USP10: variants seen among roughly 807,000 people sequenced by gnomAD.
The protein encoded by USP10 is ubiquitin specific peptidase 10, also known as ubiquitin carboxyl-terminal hydrolase 10.
USP10 carries 22 observed loss-of-function variants against 84.5 expected under a neutral mutation model. The observed-to-expected ratio is 0.26, with a 90% CI of 0.19 to 0.37. USP10 has a LOEUF of 0.37. USP10 is among the 10% of genes least tolerant of loss of function. The probability of loss-of-function intolerance (pLI) is 1.00; values close to 1 mark genes in which losing one functional copy is unlikely to be tolerated. For missense variants in USP10, 1,019 were observed against 998.9 expected, an observed-to-expected ratio of 1.02 and a Z score of -0.27; for synonymous variants, 454 against 387.6, an observed-to-expected ratio of 1.17 and a Z score of -2.01.
chr16:84,732,334 C>G, intron 1 of USP10: 1 of 348,710 alleles, frequency 2.9e-6, no homozygotes, highest in South Asian at 2.2e-5. Context: ...ATACCCAGTA[C>G]TGATCATACG....
rs574660334 is a variant in USP10 at position 84,751,075 on chromosome 16, C to T, written c.1192+5402C>T. On this transcript the variant is annotated intron_variant, in intron 4 of 13. Coordinates refer to ENST00000219473, the MANE Select transcript of USP10 (RefSeq NM_005153.3). ...TTCAGTCAACAACAGACCGCATGTA[C>T]GACAGTGGTCCCATAAGATTATAAT... 2.1e-3 allele frequency among the ~76,000 whole-genome samples: 327 copies of T among 152,290 alleles called. 1 individual carries two copies. Among genetic ancestry groups the T allele is most frequent in the African/African-American group, 7.5e-3 (310 of 41,550 alleles).
chr16:84,758,062 G>A (rs1398655363), intron 4 of USP10, among the ~76,000 whole-genome samples: 1 of 152,250 alleles, frequency 6.6e-6, no homozygotes, highest in African/African-American at 2.4e-5. Context: ...TACACAGAAA[G>A]AGTGATGTCC....
chr16:84,756,251 G>A (rs184454439), intron 4 of USP10, among the ~76,000 whole-genome samples: 8 of 152,344 alleles, frequency 5.3e-5, no homozygotes, highest in Admixed American at 2.6e-4. Context: ...GCCTAGGCAG[G>A]GCTCAGCAGG....
At chr16:84,754,685 A>G (rs1357665224) in intron 4 of USP10, among the ~76,000 whole-genome samples, 1 of 152,248 alleles carries the variant, frequency 6.6e-6, no homozygotes, top group Non-Finnish European at 1.5e-5. Context: ...TGGCTGATGT[A>G]GAAACTAAAG....
intron 1 of USP10, among the ~76,000 whole-genome samples, chr16:84,718,618 A>G (rs542526753): frequency 6.6e-6 from 1 of 151,852 alleles, no homozygotes; most frequent in Admixed American, 6.6e-5. Context: ...TAGCCCAGAC[A>G]TCGTGGCACA....
chr16:84,745,040 A>G lies in USP10; in HGVS notation c.559A>G (p.Asn187Asp). 6.2e-7 allele frequency: 1 copy of G among 1,613,814 alleles called. No homozygotes were observed. The highest frequency in any genetic ancestry group is 8.5e-7 in the Non-Finnish European group (1 of 1,179,718). ...TGGCCATGCCAATTCAGCAGTCCCG[A>G]ACAGTGTCAGTGCAGAGGATGCAGA... ...VNGHANSAVPNSVSAEDAEFM... is the reference protein window; with the variant it reads ...VNGHANSAVPDSVSAEDAEFM... The change falls in exon 4 of 14, where the codon AAC (asparagine) becomes GAC (aspartate). Residue 187 changes from asparagine (N) to aspartate (D), a missense_variant. Physicochemically the swap from Asn to Asp is conservative, Grantham distance 23. Transcript: ENST00000219473.
At chr16:84,751,185 G>C (rs1299162496) in intron 4 of USP10, among the ~76,000 whole-genome samples, 4 of 152,222 alleles carry the variant, frequency 2.6e-5, no homozygotes, top group Non-Finnish European at 5.9e-5. Context: ...CGGGTTTGTA[G>C]CTTAGGAGCA....
rs535844797 is a variant in USP10 at position 84,714,320 on chromosome 16, C to T, written c.21+14209C>T. Among the ~76,000 whole-genome samples the T allele has an allele frequency of 2.6e-5, 4 of 152,266 alleles. No homozygotes were observed. In the East Asian group the frequency reaches 7.7e-4, roughly 29 times the overall value. ...GTTTAGTAAAATGTTTTTCCCACTT[C>T]TTCCTCTTTTTTAGAGATGGGGTCT... On this transcript the variant is annotated intron_variant, in intron 1 of 13. Transcript: ENST00000219473.
intron 12 of USP10, among the ~76,000 whole-genome samples, chr16:84,774,357 G>T (rs1460138480): frequency 6.6e-6 from 1 of 152,214 alleles, no homozygotes; most frequent in East Asian, 1.9e-4. Context: ...TTGTGTCGGT[G>T]TAAGTGGTAC....
chr16:84,720,831 C>T (rs572535843), intron 1 of USP10, among the ~76,000 whole-genome samples: 131 of 151,104 alleles, frequency 8.7e-4, no homozygotes, highest in Middle Eastern at 3.5e-3. Context: ...ATCTGCCCAC[C>T]TCGACGTCGC....
At chr16:84,750,421 A>C (rs1041799257) in intron 4 of USP10, among the ~76,000 whole-genome samples, 6 of 150,100 alleles carry the variant, frequency 4.0e-5, no homozygotes, top group Non-Finnish European at 7.4e-5. Flanking sequence ...AAAAAAAAAA[A>C]CCCAAAACTT....
At chr16:84,769,501 C>G (rs79656403) in intron 11 of USP10, among the ~76,000 whole-genome samples, 3,573 of 152,290 alleles carry the variant, frequency 0.023, 133 homozygotes, top group African/African-American at 0.08. Context: ...TAAGAAGAGT[C>G]TGGCGGTGGA....
chr16:84,723,137 A>G (rs909540968), intron 1 of USP10, among the ~76,000 whole-genome samples: 1 of 144,676 alleles, frequency 6.9e-6, no homozygotes, highest in Admixed American at 6.8e-5. Flanking sequence ...CCTTCTGATC[A>G]CATCCAGGGT....
intron 10 of USP10, among the ~76,000 whole-genome samples, chr16:84,767,826 A>T (rs1015063401): frequency 6.6e-6 from 1 of 150,994 alleles, no homozygotes; most frequent in Admixed American, 6.6e-5. Context: ...TTTCTCACAG[A>T]GGGGGATTTG....
At chr16:84,770,420 G>C (rs773228341) in intron 11 of USP10, among the ~76,000 whole-genome samples, 9 of 152,132 alleles carry the variant, frequency 5.9e-5, no homozygotes, top group Non-Finnish European at 1.3e-4. Context: ...GGGGAAAATA[G>C]GATTATATGA....
At chr16:84,756,252 G>A (rs575160637) in intron 4 of USP10, among the ~76,000 whole-genome samples, 1 of 152,336 alleles carries the variant, frequency 6.6e-6, no homozygotes, top group South Asian at 2.1e-4. Context: ...CCTAGGCAGG[G>A]CTCAGCAGGG....
chr16:84,769,753 A>G (rs535913648), intron 11 of USP10, among the ~76,000 whole-genome samples: 3 of 151,820 alleles, frequency 2.0e-5, no homozygotes, highest in Non-Finnish European at 4.4e-5. Context: ...TGGGCTGCCT[A>G]GGGAAGACCC....
chr16:84,759,471 T>C lies in USP10; in HGVS notation c.1393T>C (p.Phe465Leu). The C allele has an allele frequency of 3.7e-6, 6 of 1,613,570 alleles. No individual in the cohort carries two copies. The highest frequency in any genetic ancestry group is 5.1e-6 in the Non-Finnish European group (6 of 1,179,476). The change falls in exon 6 of 14, where the codon TTT (phenylalanine) becomes CTT (leucine). Residue 465 changes from phenylalanine (F) to leucine (L), a missense_variant and splice_region_variant. This residue lies in a region of USP10 where 787 missense variants were observed against 708.8 expected (regional missense o/e 1.11). Coordinates refer to ENST00000219473, the MANE Select transcript of USP10 (RefSeq NM_005153.3). ...PCTSTPMIDS[F>L]VRLMNEFTNM... The stretch of plus-strand genomic sequence containing the variant: ...TACGTCAACACCCATGATAGACAGC[T>C]TGTAAGTAAGGTGGTGAAAGATGTG...
chr16:84,765,608 T>C (rs1425046532), intron 10 of USP10, among the ~76,000 whole-genome samples: 5 of 152,206 alleles, frequency 3.3e-5, no homozygotes, highest in African/African-American at 2.4e-5. Context: ...GCAGGGTCTT[T>C]ATTACAGCTG....
Sources: allele counts gnomAD v4.1 joint callset (sites outside exome capture counted in the v4.1 genomes callset), GRCh38; gene constraint gnomAD v4.1.1; regional missense constraint gnomAD v4.1.1; transcripts MANE v1.5; gene names NCBI Gene and HGNC (gene_info 2026-07-23, HGNC 2026-07-21).